CHRM3: variants seen among roughly 807,000 people sequenced by gnomAD.
The protein encoded by CHRM3 is muscarinic acetylcholine receptor M3.
Under a neutral mutation model 41.8 loss-of-function variants are expected in CHRM3, and 11 were observed. The ratio of observed to expected loss-of-function variants is 0.26; its 90% CI spans 0.17 to 0.44. The LOEUF is 0.44. CHRM3 is among the 20% of genes least tolerant of loss of function. The pLI, the probability that CHRM3 is intolerant of heterozygous loss-of-function variation, is 1.00. For synonymous variants in CHRM3, 297 were observed against 301.4 expected, an observed-to-expected ratio of 0.99 and a Z score of 0.15; for missense variants, 571 against 745.4, an observed-to-expected ratio of 0.77 and a Z score of 2.72.
At chr1:239,464,348 T>A (rs1665576903) in intron 1 of CHRM3, among the ~76,000 whole-genome samples, 1 of 151,682 alleles carries the variant, frequency 6.6e-6, no homozygotes. Context: ...AGAACATATG[T>A]ATATCTTATT....
rs550750238 is a variant in CHRM3 at position 239,499,808 on chromosome 1, G to T, written c.-422+7001G>T. ...TTATCAGCAGAAACCCTACAAGCTAGAAGGGATTGGGGCCCTATCTTCAGC... is the reference window on the plus strand; with the variant it reads ...TTATCAGCAGAAACCCTACAAGCTATAAGGGATTGGGGCCCTATCTTCAGC... On this transcript the variant is annotated intron_variant, in intron 2 of 6. Transcript: ENST00000676153. Among the ~76,000 whole-genome samples the T allele has an allele frequency of 2.0e-5, 3 of 152,274 alleles. No homozygotes were observed. In the South Asian group the frequency reaches 6.2e-4, roughly 32 times the overall value.
chr1:239,478,479 T>A (rs1468796848), intron 1 of CHRM3, among the ~76,000 whole-genome samples: 2 of 152,092 alleles, frequency 1.3e-5, no homozygotes, highest in Admixed American at 1.3e-4. Context: ...TAAAAAAAAT[T>A]TAAATAACTA....
intron 5 of CHRM3, among the ~76,000 whole-genome samples, chr1:239,762,153 A>G (rs565883879): frequency 2.6e-5 from 4 of 152,256 alleles, no homozygotes; most frequent in Non-Finnish European, 4.4e-5. Context: ...TTTTAACTCT[A>G]TCATGACCAG....
chr1:239,455,208 C>T (rs908513510), intron 1 of CHRM3, among the ~76,000 whole-genome samples: 1 of 152,112 alleles, frequency 6.6e-6, no homozygotes, highest in Non-Finnish European at 1.5e-5. Context: ...TACGCTACCA[C>T]GCCTGGTTAA....
intron 2 of CHRM3, among the ~76,000 whole-genome samples, chr1:239,522,473 C>T (rs960959266): frequency 4.6e-5 from 7 of 152,212 alleles, no homozygotes; most frequent in African/African-American, 1.7e-4. Context: ...CTCAGCCAAA[C>T]TCTTCCTAAG....
intron 2 of CHRM3, among the ~76,000 whole-genome samples, chr1:239,524,191 CAT>C (rs1265130804): frequency 6.6e-6 from 1 of 152,164 alleles, no homozygotes; most frequent in African/African-American, 2.4e-5. Flanking sequence ...TATATGCACA[CAT>C]ATGAGTTTCT....
chr1:239,828,379 TAC>T (rs1672632881), intron 6 of CHRM3, among the ~76,000 whole-genome samples: 1 of 152,076 alleles, frequency 6.6e-6, no homozygotes, highest in African/African-American at 2.4e-5. Context: ...CATACATAGA[TAC>T]ACACACAGGT....
chr1:239,642,520 C>G (rs1444654405), intron 4 of CHRM3, among the ~76,000 whole-genome samples: 1 of 152,150 alleles, frequency 6.6e-6, no homozygotes. Flanking sequence ...TTCATTTCAT[C>G]TTCCATCACT....
chr1:239,864,194 C>CA (rs1345736145), intron 6 of CHRM3, among the ~76,000 whole-genome samples: 1 of 151,960 alleles, frequency 6.6e-6, no homozygotes, highest in African/African-American at 2.4e-5. Flanking sequence ...CCTGCCCCCC[C>CA]ACCAAAAAAA....
At chr1:239,473,400 G>GA (rs1057203042) in intron 1 of CHRM3, among the ~76,000 whole-genome samples, 2 of 151,910 alleles carry the variant, frequency 1.3e-5, no homozygotes, top group Non-Finnish European at 2.9e-5. Flanking sequence ...CATCCCAAGA[G>GA]AAAATTGGAA....
intron 6 of CHRM3, among the ~76,000 whole-genome samples, chr1:239,858,075 T>C (rs959236907): frequency 3.9e-5 from 6 of 152,206 alleles, no homozygotes; most frequent in Admixed American, 2.6e-4. Context: ...ATAATTCTCA[T>C]TGGTTACCAA....
At chr1:239,508,380 C>A (rs1421525410) in intron 2 of CHRM3, among the ~76,000 whole-genome samples, 1 of 152,062 alleles carries the variant, frequency 6.6e-6, no homozygotes, top group Admixed American at 6.5e-5. Context: ...TGTTTAAGTG[C>A]CAAATTTGAC....
intron 2 of CHRM3, among the ~76,000 whole-genome samples, chr1:239,520,008 A>G (rs1464518169): frequency 6.6e-6 from 1 of 151,968 alleles, no homozygotes; most frequent in Non-Finnish European, 1.5e-5. Flanking sequence ...CGGCCTCCCA[A>G]AGCGTAAACA....
chr1:239,542,349 A>T (rs552092505), intron 2 of CHRM3, among the ~76,000 whole-genome samples: 25 of 152,278 alleles, frequency 1.6e-4, no homozygotes, highest in Non-Finnish European at 3.2e-4. Flanking sequence ...AAATTAGAAG[A>T]TGTTATCTAC....
chr1:239,737,710 T>C (rs569343912), intron 5 of CHRM3, among the ~76,000 whole-genome samples: 3 of 152,302 alleles, frequency 2.0e-5, no homozygotes, highest in Admixed American at 2.0e-4. Flanking sequence ...TGTAATGTTA[T>C]GCTGCTCTCT....
chr1:239,833,406 G>A lies in CHRM3; in HGVS notation c.-20+6028G>A, dbSNP rs182008569. The stretch of plus-strand genomic sequence containing the variant: ...CATGGAAACCAAGAGAAGAACCAGG[G>A]GAGAGGAGGAGTTTCTCCAACTCCT... On this transcript the variant is annotated intron_variant, in intron 6 of 6. Coordinates refer to ENST00000676153, the MANE Select transcript of CHRM3 (RefSeq NM_001375978.1). 7.2e-5 allele frequency among the ~76,000 whole-genome samples: 11 copies of A among 152,242 alleles called. No individual in the cohort carries two copies. In the East Asian group the frequency reaches 2.1e-3, roughly 29 times the overall value.
chr1:239,777,735 C>T (rs1018703780), intron 5 of CHRM3, among the ~76,000 whole-genome samples: 56 of 152,062 alleles, frequency 3.7e-4, no homozygotes, highest in African/African-American at 1.1e-3. Flanking sequence ...CAGAAAAAAG[C>T]GAAGAAATGA....
At chr1:239,411,070 G>C (rs576521913) in intron 1 of CHRM3, among the ~76,000 whole-genome samples, 1 of 152,246 alleles carries the variant, frequency 6.6e-6, no homozygotes, top group African/African-American at 2.4e-5. Context: ...TTGCATTCCT[G>C]TGTCACTAAC....
At chr1:239,541,360 G>T (rs1202956009) in intron 2 of CHRM3, among the ~76,000 whole-genome samples, 1 of 152,104 alleles carries the variant, frequency 6.6e-6, no homozygotes, top group Admixed American at 6.5e-5. Context: ...AGAAATGAGG[G>T]AATGTCGTTA....
Sources: allele counts gnomAD v4.1 joint callset (sites outside exome capture counted in the v4.1 genomes callset), GRCh38; gene constraint gnomAD v4.1.1; transcripts MANE v1.5; gene names NCBI Gene and HGNC (gene_info 2026-07-23, HGNC 2026-07-21).